The following PKM variants were observed in gnomAD, a reference collection of about 807,000 sequenced individuals.
The protein encoded by PKM is pyruvate kinase PKM.
A neutral mutation model predicts 49.8 loss-of-function variants in PKM; 18 were observed. The ratio of observed to expected loss-of-function variants is 0.36; its 90% CI spans 0.25 to 0.54. The LOEUF (loss-of-function observed/expected upper bound fraction) is 0.54, where lower values mean the gene tolerates loss of function less well. Ranked by LOEUF, PKM falls within the 20% of genes least tolerant of loss-of-function variation. PKM has a pLI of 0.89. For synonymous variants in PKM, 239 were observed against 261.8 expected (o/e 0.91, Z 0.84); for missense variants, 508 against 713.8 (o/e 0.71, Z 3.28).
Position 72,199,734 on chromosome 15 carries a change from C to T in PKM, c.1512G>A (p.Lys504=), listed in dbSNP as rs778335501. ...TCAGCACAATGACCACATCTCCCTT[C>T]TTGAAGAAGCCTCGGGCCTTGCCTG... is the stretch of plus-strand genomic sequence containing the variant. The part of the protein sequence containing the change: ...MNVGKARGFF[K]KGDVVIVLTG... Residue 504 remains lysine (K), a synonymous_variant, in exon 11 of 11, where the codon AAG becomes AAA. Transcript: ENST00000335181. 2 of 1,613,934 alleles carry T rather than the reference C, an allele frequency of 1.2e-6. No homozygotes were observed. The highest frequency in any genetic ancestry group is 1.7e-6 in the Non-Finnish European group (2 of 1,179,836).
intron 3 of PKM, among the ~76,000 whole-genome samples, chr15:72,215,878 T>C (rs1228166088): frequency 6.6e-6 from 1 of 152,114 alleles, no homozygotes; most frequent in Admixed American, 6.5e-5. Flanking sequence ...AACAAGTAAT[T>C]CTCGGTGACT....
At chr15:72,223,888 C>T (rs1240225527) in intron 1 of PKM, among the ~76,000 whole-genome samples, 3 of 149,010 alleles carry the variant, frequency 2.0e-5, no homozygotes, top group Non-Finnish European at 4.4e-5. Flanking sequence ...AATGAGCCCA[C>T]TTGTAGGTTC....
At chr15:72,205,936 G>T (rs1460727976) in intron 8 of PKM, among the ~76,000 whole-genome samples, 1 of 152,152 alleles carries the variant, frequency 6.6e-6, no homozygotes, top group Non-Finnish European at 1.5e-5. Flanking sequence ...CTGAGCAGTG[G>T]CCAGGCACTC....
Position 72,200,454 on chromosome 15 carries a change from C to T in PKM, c.1489+20G>A. On this transcript the variant is annotated intron_variant, in intron 10 of 10. Transcript: ENST00000335181. This position sits in a 1 kb window ranked among gnomAD's most constrained non-coding sequence, Gnocchi z 4.6. ...ATCCCCAAGCTCCTCTAGGCTCTAG[C>T]CCCTGCTCCAGCCACGTACCAACAT... The T allele has an allele frequency of 6.2e-7, 1 of 1,611,238 alleles. No individual in the cohort carries two copies. Among genetic ancestry groups the T allele is most frequent in the Non-Finnish European group, 8.5e-7 (1 of 1,178,960 alleles).
At chr15:72,224,480 G>A (rs7179427) in intron 1 of PKM, among the ~76,000 whole-genome samples, 94,940 of 151,940 alleles carry the variant, frequency 0.62, 31,227 homozygotes, top group Middle Eastern at 0.74. Context: ...GTCTTCCTAC[G>A]GCAGCCTTTA....
At chr15:72,228,154 T>C (rs555424938) in intron 1 of PKM, among the ~76,000 whole-genome samples, 1 of 152,314 alleles carries the variant, frequency 6.6e-6, no homozygotes, top group Non-Finnish European at 1.5e-5. Context: ...ATCCATACAT[T>C]TTGGCTCAAG....
Position 72,231,123 on chromosome 15 carries a change from G to A in PKM, c.-21C>T, listed in dbSNP as rs1474897822. ...GCCTCCTGCACCGCTCACCTCCGGC[G>A]CTGACCGACTCGGGCTACGCTGCAA... On this transcript the variant is annotated 5_prime_UTR_variant, in exon 1 of 11. Coordinates refer to ENST00000335181, the MANE Select transcript of PKM (RefSeq NM_002654.6). The A allele has an allele frequency of 2.9e-6, 1 of 348,880 alleles. No homozygotes were observed. The highest frequency in any genetic ancestry group is 8.0e-5 in the East Asian group (1 of 12,434). The allele number at this position is 348,880 out of a possible 1,614,324, so 21.6% of individuals were successfully genotyped here.
At chr15:72,223,312 TCTGC>T (rs1439050031) in intron 1 of PKM, among the ~76,000 whole-genome samples, 1 of 152,218 alleles carries the variant, frequency 6.6e-6, no homozygotes, top group African/African-American at 2.4e-5. Flanking sequence ...TGAGTCTGCA[TCTGC>T]CTAAGTCATT....
intron 2 of PKM, 122 bp downstream of exon 2, chr15:72,218,822 A>C (rs1596780670): frequency 4.0e-6 from 4 of 991,124 alleles, no homozygotes; most frequent in South Asian, 1.4e-5. Flanking sequence ...GTCCTTTCAT[A>C]AGAATCTGTG....
At position 72,215,148 on chromosome 15, in the gene PKM, CAG is replaced by C. The variant is rs1189681632; in HGVS notation, c.246+2259_246+2260del. On this transcript the variant is annotated intron_variant, in intron 3 of 10. Coordinates refer to ENST00000335181, the MANE Select transcript of PKM (RefSeq NM_002654.6). ...CCTGGGAGGCAGAGGTTGTGGTGAG[CAG>C]AGATTGTGCCAGTGCACTCCAGCCT... is the stretch of plus-strand genomic sequence containing the variant. Among the ~76,000 whole-genome samples, 4 of 152,088 alleles carry C rather than the reference CAG, an allele frequency of 2.6e-5. No individual in the cohort carries two copies. The East Asian group carries it at 7.7e-4, about 29-fold the overall frequency.
intron 1 of PKM, among the ~76,000 whole-genome samples, chr15:72,225,902 T>C (rs1414855465): frequency 6.6e-6 from 1 of 152,244 alleles, no homozygotes; most frequent in Non-Finnish European, 1.5e-5. Context: ...TTTCTATTTT[T>C]ACTAAATAAG....
rs866117510 is a variant in PKM at position 72,199,211 on chromosome 15, C to T, written c.*439G>A. On this transcript the variant is annotated 3_prime_UTR_variant, in exon 11 of 11. Coordinates refer to ENST00000335181, the MANE Select transcript of PKM (RefSeq NM_002654.6). ...GAGAGCTAGAGAAGCAAGTAAGGGC[C>T]AGGGCCAGAGTCGGCTTCAATGGAA... 3 of 359,134 alleles carry T rather than the reference C, an allele frequency of 8.4e-6. No homozygotes were observed. The highest frequency in any genetic ancestry group is 1.6e-5 in the Non-Finnish European group (3 of 182,492). 22.2% of individuals were successfully genotyped at this position (359,134 alleles called of 1,614,324 possible).
chr15:72,202,928 C>T lies in PKM; in HGVS notation c.1141-308G>A, dbSNP rs1259208521. 18 of 1,301,312 alleles carry T rather than the reference C, an allele frequency of 1.4e-5. No individual in the cohort carries two copies. The highest frequency in any genetic ancestry group is 1.1e-6 in the Non-Finnish European group (1 of 905,306). The allele number at this position is 1,301,312 out of a possible 1,614,324, so 80.6% of individuals were successfully genotyped here. ...CTACAGACGAGAAGAGGCTCTGTGC[C>T]CAGATGCCAGGTTGGGCCTGGCTGT... On this transcript the variant is annotated intron_variant, in intron 8 of 10. Transcript: ENST00000335181. This position sits in a 1 kb window ranked among gnomAD's most constrained non-coding sequence, Gnocchi z 4.5.
At position 72,206,276 on chromosome 15, in the gene PKM, A is replaced by G. The variant is rs190423189; in HGVS notation, c.1140+452T>C. 156 of 192,038 alleles carry G rather than the reference A, an allele frequency of 8.1e-4. 1 individual carries two copies. The highest frequency in any genetic ancestry group is 3.3e-3 in the African/African-American group (142 of 42,478). The allele number at this position is 192,038 out of a possible 1,614,324, so 11.9% of individuals were successfully genotyped here. Reference sequence around the variant, plus strand: ...CGCCTGTCTGCAGGATGCGGGGCAGAGGGAACTGAATTGGAAGCCAAAGGA... The same window carrying G: ...CGCCTGTCTGCAGGATGCGGGGCAGGGGGAACTGAATTGGAAGCCAAAGGA... On this transcript the variant is annotated intron_variant, in intron 8 of 10. Coordinates refer to ENST00000335181, the MANE Select transcript of PKM (RefSeq NM_002654.6).
At chr15:72,210,265 T>A in intron 4 of PKM, 82 bp downstream of exon 4, 1 of 1,482,246 alleles carries the variant, frequency 6.7e-7, no homozygotes, top group Non-Finnish European at 9.4e-7. Context: ...GGAAGAAACA[T>A]GGCAACCCAG....
At chr15:72,209,328 C>T (rs2082169909) in intron 5 of PKM, among the ~76,000 whole-genome samples, 1 of 149,824 alleles carries the variant, frequency 6.7e-6, no homozygotes, top group Non-Finnish European at 1.5e-5. Flanking sequence ...AAGATCATGC[C>T]ACTGCACTCC....
chr15:72,221,849 C>T (rs1318394272), intron 1 of PKM, among the ~76,000 whole-genome samples: 1 of 151,376 alleles, frequency 6.6e-6, no homozygotes, highest in Non-Finnish European at 1.5e-5. Flanking sequence ...GTCTTAGGCC[C>T]TACATCACAA....
At position 72,200,935 on chromosome 15, in the gene PKM, A is replaced by G; in HGVS notation, c.1308-280T>C. The G allele has an allele frequency of 2.5e-6, 1 of 399,992 alleles. No individual in the cohort carries two copies. Among genetic ancestry groups the G allele is most frequent in the Non-Finnish European group, 4.6e-6 (1 of 217,652 alleles). 24.8% of individuals were successfully genotyped at this position (399,992 alleles called of 1,614,324 possible). ...TCAGCCTCACCCACTTACCCCACACAGCCCATGGTTGGCAGAACCCCTCCT... is the reference window on the plus strand; with the variant it reads ...TCAGCCTCACCCACTTACCCCACACGGCCCATGGTTGGCAGAACCCCTCCT... On this transcript the variant is annotated intron_variant, in intron 9 of 10. Transcript: ENST00000335181. This position sits in a 1 kb window ranked among gnomAD's most constrained non-coding sequence, Gnocchi z 4.6.
rs887436226 is a variant in PKM, at chr15:72,206,760, A to G, written c.1108T>C (p.Tyr370His). 6.2e-7 allele frequency: 1 copy of G among 1,613,676 alleles called. No homozygotes were observed. Among genetic ancestry groups the G allele is most frequent in the Non-Finnish European group, 8.5e-7 (1 of 1,180,040 alleles). ...MLSGETAKGD[Y>H]PLEAVRMQHL... is the part of the protein sequence containing the mutation. Reference sequence around the variant, plus strand: ...TGCATGCGCACAGCCTCCAGAGGATAGTCCCCTTTGGCTGTTTCTCCAGAC... The same window carrying G: ...TGCATGCGCACAGCCTCCAGAGGATGGTCCCCTTTGGCTGTTTCTCCAGAC... The change falls in exon 8 of 11, where the codon TAT becomes CAT. Residue 370 changes from tyrosine to histidine, a missense_variant. Transcript: ENST00000335181.
Sources: gnomAD v4.1 joint callset for allele counts (sites outside exome capture counted in the v4.1 genomes callset) on GRCh38, gnomAD v4.1.1 for gene constraint, Gnocchi (gnomAD v3.1) non-coding constraint, MANE v1.5 for transcripts, NCBI Gene and HGNC (gene_info 2026-07-23, HGNC 2026-07-21) for gene names.